DENND3: variants seen among roughly 807,000 people sequenced by gnomAD.
The protein encoded by DENND3 is DENN domain-containing protein 3.
DENND3 carries 88 observed loss-of-function variants against 135.1 expected under a neutral mutation model. The observed-to-expected ratio is 0.65, with a 90% CI of 0.55 to 0.78. The LOEUF is 0.78. Among genes scored for constraint, DENND3 ranks in the 30% least tolerant of loss-of-function variants. DENND3 has a pLI of 0.00. For missense variants in DENND3, 1,392 were observed against 1,688.4 expected, an observed-to-expected ratio of 0.82 and a Z score of 3.08; for synonymous variants, 693 against 712.3, an observed-to-expected ratio of 0.97 and a Z score of 0.43.
At chr8:141,148,710 C>A (rs1818441443) in intron 5 of DENND3, among the ~76,000 whole-genome samples, 1 of 151,920 alleles carries the variant, frequency 6.6e-6, no homozygotes, top group South Asian at 2.1e-4. Context: ...CACCCGAGAC[C>A]AACCAAAGGC....
rs1485203193 is a variant in DENND3, at chr8:141,139,343, G to A, written c.501+1206G>A. On this transcript the variant is annotated intron_variant, in intron 3 of 22. Transcript: ENST00000519811. This position sits in a 1 kb window ranked among gnomAD's most constrained non-coding sequence, Gnocchi z 4.2. ...TGGGGCAGCACAGACAGGCCCGGAT[G>A]TTCTTAATGAATATGCAGGAGCAAA... Among the ~76,000 whole-genome samples the A allele has an allele frequency of 1.3e-5, 2 of 152,218 alleles. No individual in the cohort carries two copies. The highest frequency in any genetic ancestry group is 2.9e-5 in the Non-Finnish European group (2 of 68,040).
rs1005895070 is a variant in DENND3, at chr8:141,139,686, C to T, written c.502-1517C>T. Reference sequence around the variant, plus strand: ...CCAGGAGCAATGCGCATGTTGTTTTCGTTATCATTAAATATAATACATATT... The same window carrying T: ...CCAGGAGCAATGCGCATGTTGTTTTTGTTATCATTAAATATAATACATATT... On this transcript the variant is annotated intron_variant, in intron 3 of 22. Transcript: ENST00000519811. The surrounding 1 kb of genome is among the most constrained non-coding windows in gnomAD (Gnocchi z 4.2). Among the ~76,000 whole-genome samples the T allele has an allele frequency of 2.6e-5, 4 of 152,264 alleles. No individual in the cohort carries two copies. The highest frequency in any genetic ancestry group is 3.9e-4 in the East Asian group (2 of 5,190).
Position 141,168,364 on chromosome 8 carries a change from T to A in DENND3, c.2114T>A (p.Leu705Gln), listed in dbSNP as rs1333495325. 1 of 1,613,814 alleles carries A rather than the reference T, an allele frequency of 6.2e-7. No individual in the cohort carries two copies. Among genetic ancestry groups the A allele is most frequent in the Non-Finnish European group, 8.5e-7 (1 of 1,180,004 alleles). ...CTGATGAGGCTCATCAGCGAGATCC[T>A]GGACAAGCCGCACGAGGCCTCGAAG... is the stretch of plus-strand genomic sequence containing the variant. ...PELMRLISEI[L>Q]DKPHEASKLD... Residue 705 changes from leucine (L) to glutamine (Q), a missense_variant, in exon 13 of 23, where the codon CTG (leucine) becomes CAG (glutamine). Physicochemically the swap from Leu to Gln is moderately radical, Grantham distance 113. Transcript: ENST00000519811. This position sits in a 1 kb window ranked among gnomAD's most constrained non-coding sequence, Gnocchi z 6.2.
At chr8:141,165,479 T>G (rs1227315739) in intron 11 of DENND3, among the ~76,000 whole-genome samples, 190 bp downstream of exon 11, 1 of 151,802 alleles carries the variant, frequency 6.6e-6, no homozygotes, top group Non-Finnish European at 1.5e-5. Context: ...TTTTTTTTTT[T>G]TTGAGACGGA....
chr8:141,193,984 T>C (rs745743437), intron 22 of DENND3, 49 bp from the exon 23 acceptor site: 3 of 1,588,848 alleles, frequency 1.9e-6, no homozygotes, highest in Non-Finnish European at 8.6e-7. Context: ...CCTGGTGCTC[T>C]TGGGAGGGGC....
chr8:141,185,495 T>C (rs1823779143), intron 18 of DENND3: 1 of 550,430 alleles, frequency 1.8e-6, no homozygotes, highest in African/African-American at 1.9e-5. Flanking sequence ...GAGAAGATAA[T>C]GGCTTTGACT....
intron 15 of DENND3, chr8:141,177,020 T>G: frequency 2.2e-6 from 1 of 447,210 alleles, no homozygotes; most frequent in Non-Finnish European, 4.0e-6. Context: ...GGTGCCCCAC[T>G]GCCCGCTCCA....
intron 7 of DENND3, among the ~76,000 whole-genome samples, chr8:141,152,751 C>A (rs1020571662): frequency 6.6e-6 from 1 of 152,146 alleles, no homozygotes; most frequent in Non-Finnish European, 1.5e-5. Flanking sequence ...TCGTTTCTCT[C>A]GGGTGTGTCC....
At chr8:141,187,299 G>A (rs887931815) in intron 18 of DENND3, among the ~76,000 whole-genome samples, 4 of 150,762 alleles carry the variant, frequency 2.7e-5, no homozygotes, top group African/African-American at 9.8e-5. Context: ...CATTGCCCGT[G>A]GCTGGAGTGT....
At position 141,141,065 on chromosome 8, in the gene DENND3, G is replaced by A. The variant is rs1042613652; in HGVS notation, c.502-138G>A. Reference sequence around the variant, plus strand: ...CCCGTAGACTTCGACCGGAGGGCCGGTGCTGGCTTGGACGCGTTGCAGGGG... The same window carrying A: ...CCCGTAGACTTCGACCGGAGGGCCGATGCTGGCTTGGACGCGTTGCAGGGG... On this transcript the variant is annotated intron_variant, in intron 3 of 22. Transcript: ENST00000519811. This position sits in a 1 kb window ranked among gnomAD's most constrained non-coding sequence, Gnocchi z 5.3. The A allele has an allele frequency of 4.4e-6, 6 of 1,350,892 alleles. No homozygotes were observed. The highest frequency in any genetic ancestry group is 1.3e-5 in the South Asian group (1 of 77,680). The allele number at this position is 1,350,892 out of a possible 1,614,324, so 83.7% of individuals were successfully genotyped here.
intron 8 of DENND3, among the ~76,000 whole-genome samples, chr8:141,159,443 C>T (rs545161090): frequency 1.3e-4 from 20 of 152,238 alleles, no homozygotes; most frequent in Non-Finnish European, 2.1e-4. Context: ...GGTTCCAGGT[C>T]GTCTCCTGGG....
In DENND3 at chr8:141,175,082, G is replaced by C. The variant is rs1399995165; in HGVS notation, c.2276-118G>C. On this transcript the variant is annotated intron_variant, in intron 13 of 22. Coordinates refer to ENST00000519811, the MANE Select transcript of DENND3 (RefSeq NM_001352890.3). The surrounding 1 kb of genome is among the most constrained non-coding windows in gnomAD (Gnocchi z 5.4). ...GTTTCCATCCAGCGCCCTGAGTGCT[G>C]GCGCCACCTGCTGCCGGGTTCCGGT... is the stretch of plus-strand genomic sequence containing the variant. 4 of 1,247,854 alleles carry C rather than the reference G, an allele frequency of 3.2e-6. No individual in the cohort carries two copies. The highest frequency in any genetic ancestry group is 4.4e-6 in the Non-Finnish European group (4 of 903,224). The allele number at this position is 1,247,854 out of a possible 1,614,324, so 77.3% of individuals were successfully genotyped here.
chr8:141,149,371 A>G (rs1424890272), intron 5 of DENND3, among the ~76,000 whole-genome samples: 1 of 152,266 alleles, frequency 6.6e-6, no homozygotes, highest in Non-Finnish European at 1.5e-5. Context: ...AAACTAATTG[A>G]TGCAGACAAG....
At position 141,182,504 on chromosome 8, in the gene DENND3, G is replaced by T. The variant is rs1039541425; in HGVS notation, c.2944+1650G>T. On this transcript the variant is annotated intron_variant, in intron 17 of 22. Coordinates refer to ENST00000519811, the MANE Select transcript of DENND3 (RefSeq NM_001352890.3). The surrounding 1 kb of genome is among the most constrained non-coding windows in gnomAD (Gnocchi z 5.9). ...GAATACATGGTATTTTTAGGTCCCG[G>T]TTGGTTTCCCTGAAATGAAACTCAC... is the stretch of plus-strand genomic sequence containing the variant. The T allele has an allele frequency of 4.6e-5, 45 of 985,330 alleles. No homozygotes were observed. Among genetic ancestry groups the T allele is most frequent in the Non-Finnish European group, 5.2e-5 (43 of 829,856 alleles). The allele number at this position is 985,330 out of a possible 1,614,324, so 61.0% of individuals were successfully genotyped here. A position where few individuals can be genotyped will look rare whatever the true frequency, so the allele number is the denominator to read the frequency against.
chr8:141,165,094 G>A (rs1820607524), intron 10 of DENND3, 92 bp from the exon 11 acceptor site: 3 of 891,742 alleles, frequency 3.4e-6, no homozygotes, highest in Non-Finnish European at 5.5e-6. Flanking sequence ...GAGTGGTGAT[G>A]CCCAGTTCTG....
intron 8 of DENND3, chr8:141,158,040 G>C: frequency 8.4e-7 from 1 of 1,186,956 alleles, no homozygotes; most frequent in South Asian, 1.5e-5. Context: ...GATTACAGGC[G>C]TGAGCCACCG....
At chr8:141,183,069 G>A (rs150378232) in intron 17 of DENND3, among the ~76,000 whole-genome samples, 410 of 152,312 alleles carry the variant, frequency 2.7e-3, no homozygotes, top group African/African-American at 8.7e-3. Flanking sequence ...GGCCCAAGGG[G>A]GCCGAAACCT....
chr8:141,163,745 TA>T (rs1451337263), intron 10 of DENND3, among the ~76,000 whole-genome samples: 3 of 151,716 alleles, frequency 2.0e-5, no homozygotes, highest in Non-Finnish European at 4.4e-5. Context: ...CCATCTCTAC[TA>T]AAAATACAAA....
chr8:141,136,110 C>T (rs186761474), intron 1 of DENND3, among the ~76,000 whole-genome samples: 2 of 152,354 alleles, frequency 1.3e-5, no homozygotes, highest in Non-Finnish European at 2.9e-5. Flanking sequence ...CCCACATTGT[C>T]TCTGTTATTC....
Sources: allele counts gnomAD v4.1 joint callset (sites outside exome capture counted in the v4.1 genomes callset), GRCh38; gene constraint gnomAD v4.1.1; non-coding constraint Gnocchi (gnomAD v3.1); transcripts MANE v1.5; gene names NCBI Gene and HGNC (gene_info 2026-07-23, HGNC 2026-07-21).